SF3B3: variants seen among roughly 807,000 people sequenced by gnomAD.
SF3B3 encodes splicing factor 3b subunit 3, also known as SAP 130.
A neutral mutation model predicts 139.2 loss-of-function variants in SF3B3; 33 were observed. The ratio of observed to expected loss-of-function variants is 0.24; its 90% CI spans 0.18 to 0.32. The LOEUF (loss-of-function observed/expected upper bound fraction) is 0.32, where lower values mean the gene tolerates loss of function less well. SF3B3 is among the 10% of genes least tolerant of loss of function. The pLI is 1.00. For missense variants in SF3B3, 818 were observed against 1,509.4 expected (o/e 0.54, Z 7.59); for synonymous variants, 596 against 563.6 (o/e 1.06, Z -0.81).
intron 11 of SF3B3, chr16:70,550,701 C>T (rs955019308): frequency 9.2e-6 from 9 of 982,044 alleles, no homozygotes; most frequent in East Asian, 1.1e-4. Flanking sequence ...CTGCTAGGGT[C>T]GATGTGGGGT....
At position 70,565,275 on chromosome 16, in the gene SF3B3, G is replaced by A; in HGVS notation, c.2669+5G>A. 1 of 1,614,226 alleles carries A rather than the reference G, an allele frequency of 6.2e-7. No homozygotes were observed. The highest frequency in any genetic ancestry group is 1.7e-5 in the Admixed American group (1 of 60,030). On this transcript the variant is annotated splice_donor_5th_base_variant and intron_variant, in intron 19 of 25. Coordinates refer to ENST00000302516, the MANE Select transcript of SF3B3 (RefSeq NM_012426.5). Reference sequence around the variant, plus strand: ...ACAGAATGAGGCAGCTTTTAGGTAAGCAGCCCAGGACAGTCCAGGGTTTGG... The same window carrying A: ...ACAGAATGAGGCAGCTTTTAGGTAAACAGCCCAGGACAGTCCAGGGTTTGG...
chr16:70,526,321 C>T (rs2050063328), intron 1 of SF3B3, among the ~76,000 whole-genome samples: 3 of 152,052 alleles, frequency 2.0e-5, no homozygotes, highest in African/African-American at 4.8e-5. Flanking sequence ...GATTCTCCTG[C>T]CTCAGCCTCC....
intron 2 of SF3B3, among the ~76,000 whole-genome samples, chr16:70,527,314 A>G (rs1318579160): frequency 6.6e-6 from 1 of 152,246 alleles, no homozygotes; most frequent in Admixed American, 6.5e-5. Context: ...TAGGAAATAC[A>G]AAGTTACTGA....
chr16:70,544,585 AAAGT>A, intron 10 of SF3B3, 52 bp downstream of exon 10: 1 of 1,023,486 alleles, frequency 9.8e-7, no homozygotes, highest in Non-Finnish European at 1.6e-6. Flanking sequence ...AAGCACTGAC[AAAGT>A]AGTTTATGGG....
intron 8 of SF3B3, 25 bp from the exon 9 acceptor site, chr16:70,541,644 G>C: frequency 6.2e-7 from 1 of 1,603,258 alleles, no homozygotes; most frequent in South Asian, 1.1e-5. Flanking sequence ...GTTACCGAAA[G>C]TTTCTCTCCT....
At chr16:70,550,256 C>G (rs2050309805) in intron 11 of SF3B3, 1 of 152,100 alleles carries the variant, frequency 6.6e-6, no homozygotes, top group Admixed American at 6.5e-5. Flanking sequence ...TGGTGAAAGG[C>G]ACAGGTACAT....
chr16:70,529,242 TAAC>T, intron 3 of SF3B3, 43 bp downstream of exon 3: 1 of 1,508,096 alleles, frequency 6.6e-7, no homozygotes, highest in Non-Finnish European at 9.1e-7. Context: ...TAGTTTAGGA[TAAC>T]AATGCTGTGC....
chr16:70,551,406 C>T (rs993476244), intron 11 of SF3B3, among the ~76,000 whole-genome samples: 2 of 152,068 alleles, frequency 1.3e-5, no homozygotes, highest in African/African-American at 4.8e-5. Context: ...TGAACTCCAG[C>T]GTTTTTTTTA....
intron 16 of SF3B3, 189 bp from the exon 17 acceptor site, chr16:70,561,441 C>G (rs2050428170): frequency 3.4e-6 from 2 of 584,304 alleles, no homozygotes; most frequent in Non-Finnish European, 6.1e-6. Flanking sequence ...GTAGCCCATG[C>G]TTTTCACATA....
intron 9 of SF3B3, among the ~76,000 whole-genome samples, chr16:70,542,814 C>T (rs1308337142): frequency 6.6e-6 from 1 of 151,512 alleles, no homozygotes; most frequent in Non-Finnish European, 1.5e-5. Context: ...TTCCGCCTCC[C>T]AGGTTCACGC....
At chr16:70,557,082 C>T in intron 15 of SF3B3, 53 bp downstream of exon 15, 1 of 1,518,066 alleles carries the variant, frequency 6.6e-7, no homozygotes, top group Non-Finnish European at 8.8e-7. Context: ...GTACGTTTCA[C>T]ACACTCCTTT....
chr16:70,567,596 TG>T lies in SF3B3; in HGVS notation c.2952+64del, dbSNP rs1209133235. 15 of 1,548,852 alleles carry T rather than the reference TG, an allele frequency of 9.7e-6. No homozygotes were observed. In the Admixed American group the frequency reaches 3.0e-4, roughly 31 times the overall value. On this transcript the variant is annotated intron_variant, in intron 21 of 25. Transcript: ENST00000302516. Reference sequence around the variant, plus strand: ...CATGTGTCAAGGGTGGGGGCATTGGTGGGGTGGTGGGCATTGAGTTTTAAAA... The same window carrying T: ...CATGTGTCAAGGGTGGGGGCATTGGTGGGTGGTGGGCATTGAGTTTTAAAA...
chr16:70,557,966 T>C (rs1252352315), intron 15 of SF3B3, among the ~76,000 whole-genome samples: 1 of 152,230 alleles, frequency 6.6e-6, no homozygotes, highest in Non-Finnish European at 1.5e-5. Context: ...TGTGGCTTTA[T>C]AGTTGGTTGT....
rs1275140177 is a variant in SF3B3 at position 70,572,178 on chromosome 16, A to G, written c.*365A>G. The G allele has an allele frequency of 2.1e-6, 1 of 466,704 alleles. No homozygotes were observed. The highest frequency in any genetic ancestry group is 6.6e-5 in the East Asian group (1 of 15,254). 28.9% of individuals were successfully genotyped at this position (466,704 alleles called of 1,614,324 possible). A position where few individuals can be genotyped will look rare whatever the true frequency, so the allele number is the denominator to read the frequency against. On this transcript the variant is annotated 3_prime_UTR_variant, in exon 26 of 26. Coordinates refer to ENST00000302516, the MANE Select transcript of SF3B3 (RefSeq NM_012426.5). ...TTTTCTTGTAAATACAGTTTTGTAC[A>G]ATGTTATCTCTGTGGGAGGAAGGAG...
At chr16:70,538,709 A>G (rs927180769) in intron 7 of SF3B3, among the ~76,000 whole-genome samples, 1 of 152,232 alleles carries the variant, frequency 6.6e-6, no homozygotes, top group Non-Finnish European at 1.5e-5. Context: ...TTTGGTGTGA[A>G]GAAGATAAAG....
chr16:70,526,458 G>A (rs8051506), intron 1 of SF3B3, 129 bp from the exon 2 acceptor site: 221,215 of 520,570 alleles, frequency 0.42, 49,275 homozygotes, highest in South Asian at 0.64. Context: ...CACCACGCCC[G>A]GTCACATATG....
intron 3 of SF3B3, among the ~76,000 whole-genome samples, chr16:70,530,274 C>T (rs187074240): frequency 2.0e-5 from 3 of 150,482 alleles, no homozygotes; most frequent in Admixed American, 2.0e-4. Context: ...GCTGGGATTA[C>T]AGACTTGAGC....
Position 70,550,706 on chromosome 16 carries a change from T to TG in SF3B3, c.1402+2268dup, listed in dbSNP as rs910764621. 117 of 981,208 alleles carry TG rather than the reference T, an allele frequency of 1.2e-4. No individual in the cohort carries two copies. The Middle Eastern group carries it at 1.6e-3, about 13-fold the overall frequency. The allele number at this position is 981,208 out of a possible 1,614,324, so 60.8% of individuals were successfully genotyped here. A position where few individuals can be genotyped will look rare whatever the true frequency, so the allele number is the denominator to read the frequency against. On this transcript the variant is annotated intron_variant, in intron 11 of 25. Coordinates refer to ENST00000302516, the MANE Select transcript of SF3B3 (RefSeq NM_012426.5). Reference sequence around the variant, plus strand: ...GTGTACCTAACTGCTAGGGTCGATGTGGGGTCTTATAGTTTATCCAAGGAG... The same window carrying TG: ...GTGTACCTAACTGCTAGGGTCGATGTGGGGGTCTTATAGTTTATCCAAGGAG...
At chr16:70,534,699 C>T (rs1250667745) in intron 5 of SF3B3, among the ~76,000 whole-genome samples, 1 of 152,124 alleles carries the variant, frequency 6.6e-6, no homozygotes, top group Non-Finnish European at 1.5e-5. Flanking sequence ...GACAGAATCT[C>T]GCACTGTTGC....
Sources: gnomAD v4.1 joint callset for allele counts (sites outside exome capture counted in the v4.1 genomes callset) on GRCh38, gnomAD v4.1.1 for gene constraint, MANE v1.5 for transcripts, NCBI Gene and HGNC (gene_info 2026-07-23, HGNC 2026-07-21) for gene names.